CHRM2: variants seen among roughly 807,000 people sequenced by gnomAD.
CHRM2 encodes muscarinic acetylcholine receptor M2.
Under a neutral mutation model 25.0 loss-of-function variants are expected in CHRM2, and 8 were observed. The observed-to-expected ratio is 0.32, with a 90% CI of 0.19 to 0.58. The LOEUF (loss-of-function observed/expected upper bound fraction) is 0.58, where lower values mean the gene tolerates loss of function less well. Ranked by LOEUF, CHRM2 falls within the 20% of genes least tolerant of loss-of-function variation. The probability of loss-of-function intolerance (pLI) is 0.88; values close to 1 mark genes in which losing one functional copy is unlikely to be tolerated. For synonymous variants in CHRM2, 202 were observed against 205.7 expected (o/e 0.98, Z 0.15); for missense variants, 440 against 567.1 (o/e 0.78, Z 2.28).
At chr7:136,899,860 G>A (rs1439055236) in intron 2 of CHRM2, 1 of 152,028 alleles carries the variant, frequency 6.6e-6, no homozygotes, top group African/African-American at 2.4e-5. Context: ...TTATGGGCTA[G>A]GTGATAAACC....
chr7:136,913,360 G>T (rs574263279), intron 2 of CHRM2, among the ~76,000 whole-genome samples: 27 of 152,022 alleles, frequency 1.8e-4, no homozygotes, highest in African/African-American at 4.3e-4. Context: ...TTATTTAAAA[G>T]AATCCATTTT....
chr7:136,987,658 T>A (rs1041788148), intron 2 of CHRM2, among the ~76,000 whole-genome samples: 2 of 152,096 alleles, frequency 1.3e-5, no homozygotes, highest in Non-Finnish European at 2.9e-5. Context: ...GTAGGGCAAA[T>A]GACAAATGGG....
chr7:136,965,699 C>T lies in CHRM2; in HGVS notation c.-124-26488C>T, dbSNP rs115209788. 2.9e-3 allele frequency among the ~76,000 whole-genome samples: 439 copies of T among 152,152 alleles called. 2 individuals are homozygous for T. The highest frequency in any genetic ancestry group is 0.01 in the African/African-American group (422 of 41,552). On this transcript the variant is annotated intron_variant, in intron 2 of 3. Coordinates refer to ENST00000680005, the MANE Select transcript of CHRM2 (RefSeq NM_001006630.2). ...AACAGCTTCATCTGAGTTGATATCACAGTGCAGTCCTCTAAAATCAGCCTC... is the reference window on the plus strand; with the variant it reads ...AACAGCTTCATCTGAGTTGATATCATAGTGCAGTCCTCTAAAATCAGCCTC...
chr7:136,920,212 T>A (rs1264599141), intron 2 of CHRM2, among the ~76,000 whole-genome samples: 5 of 152,194 alleles, frequency 3.3e-5, no homozygotes, highest in Non-Finnish European at 5.9e-5. Context: ...TCTTGTCAGC[T>A]GTTGCTGTCA....
chr7:136,874,836 G>T (rs1488545549), intron 2 of CHRM2, among the ~76,000 whole-genome samples: 1 of 151,678 alleles, frequency 6.6e-6, no homozygotes, highest in Non-Finnish European at 1.5e-5. Flanking sequence ...TTATGGCAAA[G>T]GGGTGGGAAG....
chr7:136,994,354 T>C (rs897541699), intron 3 of CHRM2, among the ~76,000 whole-genome samples: 5 of 152,160 alleles, frequency 3.3e-5, no homozygotes, highest in South Asian at 4.1e-4. Context: ...TGCTCCTGCA[T>C]TGTAAAATAA....
At chr7:136,947,495 A>C (rs1800138204) in intron 2 of CHRM2, among the ~76,000 whole-genome samples, 2 of 152,152 alleles carry the variant, frequency 1.3e-5, no homozygotes, top group South Asian at 4.1e-4. Flanking sequence ...GATTTTTATC[A>C]ATCTAACTAT....
At chr7:136,962,360 C>T (rs1386402686) in intron 2 of CHRM2, among the ~76,000 whole-genome samples, 1 of 152,128 alleles carries the variant, frequency 6.6e-6, no homozygotes, top group African/African-American at 2.4e-5. Context: ...GTCTCGAACT[C>T]CTGGCCTCAA....
chr7:136,997,429 A>G (rs923684310), intron 3 of CHRM2, among the ~76,000 whole-genome samples: 1 of 152,198 alleles, frequency 6.6e-6, no homozygotes, highest in African/African-American at 2.4e-5. Context: ...ATGATCGAGA[A>G]TATTTTTTCT....
At chr7:136,990,174 C>G (rs895202750) in intron 2 of CHRM2, among the ~76,000 whole-genome samples, 2 of 152,158 alleles carry the variant, frequency 1.3e-5, no homozygotes, top group African/African-American at 4.8e-5. Context: ...TCAACATCCT[C>G]TATCAGAGTG....
At chr7:136,873,687 C>T (rs748476523) in intron 2 of CHRM2, among the ~76,000 whole-genome samples, 8 of 152,134 alleles carry the variant, frequency 5.3e-5, no homozygotes, top group African/African-American at 9.7e-5. Flanking sequence ...TCAATCGGTT[C>T]GCTATAAATA....
intron 2 of CHRM2, among the ~76,000 whole-genome samples, chr7:136,987,770 C>A (rs1260564001): frequency 6.6e-6 from 1 of 152,142 alleles, no homozygotes; most frequent in East Asian, 1.9e-4. Context: ...AATCATATTA[C>A]CCTCTCTGGG....
At chr7:136,885,099 C>T (rs1421492961) in intron 2 of CHRM2, among the ~76,000 whole-genome samples, 1 of 152,178 alleles carries the variant, frequency 6.6e-6, no homozygotes, top group Non-Finnish European at 1.5e-5. Context: ...AGCTAACTTG[C>T]TTCAATCTTT....
chr7:136,872,105 T>A (rs1313075040), intron 2 of CHRM2: 2 of 152,058 alleles, frequency 1.3e-5, no homozygotes, highest in Non-Finnish European at 2.9e-5. Flanking sequence ...TGAGGTGGGG[T>A]GGGAATGGGG....
intron 2 of CHRM2, among the ~76,000 whole-genome samples, chr7:136,983,669 T>C (rs958247830): frequency 6.6e-6 from 1 of 152,160 alleles, no homozygotes; most frequent in Non-Finnish European, 1.5e-5. Flanking sequence ...TCTTCGTGAG[T>C]TTTCCTTCTA....
At chr7:136,991,911 C>T (rs918973966) in intron 2 of CHRM2, among the ~76,000 whole-genome samples, 9 of 152,114 alleles carry the variant, frequency 5.9e-5, no homozygotes, top group African/African-American at 2.2e-4. Context: ...TTTACTCAGA[C>T]CATGTTTCTC....
At chr7:136,877,821 TCAC>T (rs1350260850) in intron 2 of CHRM2, among the ~76,000 whole-genome samples, 1 of 152,028 alleles carries the variant, frequency 6.6e-6, no homozygotes, top group Non-Finnish European at 1.5e-5. Context: ...AAGCTGTTCT[TCAC>T]CTCCTCATTC....
intron 2 of CHRM2, among the ~76,000 whole-genome samples, chr7:136,944,131 G>A: frequency 6.6e-6 from 1 of 152,036 alleles, no homozygotes; most frequent in East Asian, 1.9e-4. Context: ...TGGGGAACAT[G>A]TTTGGTTACA....
At chr7:136,995,340 A>AT (rs1406371614) in intron 3 of CHRM2, among the ~76,000 whole-genome samples, 1 of 152,210 alleles carries the variant, frequency 6.6e-6, no homozygotes, top group Non-Finnish European at 1.5e-5. Context: ...TATGTTCAAT[A>AT]TTTGTATACC....
Sources: allele counts gnomAD v4.1 joint callset (sites outside exome capture counted in the v4.1 genomes callset), GRCh38; gene constraint gnomAD v4.1.1; transcripts MANE v1.5; gene names NCBI Gene and HGNC (gene_info 2026-07-23, HGNC 2026-07-21).